MARK1: variants seen among roughly 807,000 people sequenced by gnomAD.
MARK1 encodes serine/threonine-protein kinase MARK1.
A neutral mutation model predicts 96.3 loss-of-function variants in MARK1; 40 were observed. That is an observed-to-expected ratio of 0.42 (90% CI 0.32 to 0.54). MARK1 has a LOEUF of 0.54. Among genes scored for constraint, MARK1 ranks in the 20% least tolerant of loss-of-function variants. The probability of loss-of-function intolerance (pLI) is 0.16; values close to 1 mark genes in which losing one functional copy is unlikely to be tolerated. For synonymous variants in MARK1, 317 were observed against 341.2 expected (o/e 0.93, Z 0.78); for missense variants, 719 against 984.6 (o/e 0.73, Z 3.61).
At chr1:220,555,001 A>C (rs1662149352) in intron 1 of MARK1, among the ~76,000 whole-genome samples, 1 of 152,208 alleles carries the variant, frequency 6.6e-6, no homozygotes, top group Admixed American at 6.5e-5. Context: ...CTTAATTCGC[A>C]GGCCAAGGGA....
Position 220,528,578 on chromosome 1 carries a change from G to C in MARK1, c.-245G>C, listed in dbSNP as rs1024980303. The C allele has an allele frequency of 6.4e-6, 3 of 471,030 alleles. No individual in the cohort carries two copies. Among genetic ancestry groups the C allele is most frequent in the Non-Finnish European group, 1.1e-5 (3 of 268,568 alleles). 29.2% of individuals were successfully genotyped at this position (471,030 alleles called of 1,614,324 possible). A position where few individuals can be genotyped will look rare whatever the true frequency, so the allele number is the denominator to read the frequency against. Reference sequence around the variant, plus strand: ...GCGCCGGGCAACCGCCTCGCCCGAAGCCCTCCCTCGTTACTGTCCGCATAC... The same window carrying C: ...GCGCCGGGCAACCGCCTCGCCCGAACCCCTCCCTCGTTACTGTCCGCATAC... On this transcript the variant is annotated 5_prime_UTR_variant, in exon 1 of 18. Transcript: ENST00000366917.
At position 220,566,655 on chromosome 1, in the gene MARK1, TATG is replaced by T. The variant is rs142372337; in HGVS notation, c.52-12697_52-12695del. ...TGACAGCAGTATTAACTAAACAAAT[TATG>T]AAATTGAAGAAAAAATGTCCATACA... On this transcript the variant is annotated intron_variant, in intron 1 of 17. Transcript: ENST00000366917. Among the ~76,000 whole-genome samples, 1,250 of 152,296 alleles carry T rather than the reference TATG, an allele frequency of 8.2e-3. 19 individuals carry two copies. The highest frequency in any genetic ancestry group is 0.029 in the African/African-American group (1,209 of 41,562).
chr1:220,533,552 T>A (rs1660472866), intron 1 of MARK1, among the ~76,000 whole-genome samples: 1 of 152,208 alleles, frequency 6.6e-6, no homozygotes, highest in African/African-American at 2.4e-5. Flanking sequence ...CTTTTTTAGA[T>A]CTGAAGACAT....
chr1:220,594,898 T>C (rs1475703408), intron 3 of MARK1, among the ~76,000 whole-genome samples: 1 of 152,192 alleles, frequency 6.6e-6, no homozygotes, highest in Non-Finnish European at 1.5e-5. Flanking sequence ...AACACATTTT[T>C]CAGAGCAGTG....
chr1:220,653,121 C>G lies in MARK1; in HGVS notation c.1757C>G (p.Ala586Gly), dbSNP rs1278999507. Residue 586 changes from alanine (A) to glycine (G), a missense_variant, in exon 16 of 18, where the codon GCT (alanine) becomes GGT (glycine). Ala to Gly is a moderately conservative substitution (Grantham distance 60). Around this residue, in one of 4 missense-constraint regions of MARK1, gnomAD observed 501 missense variants for 588.3 expected, o/e 0.85. Transcript: ENST00000366917. ...AGCAGTACAACCCAGAGAGTGCCTG[C>G]TGCTTCCCCATCTGCTCACAGTATT... Reference protein sequence around the residue: ...YRPGTTQRVPAASPSAHSIST... With the variant: ...YRPGTTQRVPGASPSAHSIST... The G allele has an allele frequency of 2.5e-6, 4 of 1,614,088 alleles. No homozygotes were observed. The highest frequency in any genetic ancestry group is 3.4e-6 in the Non-Finnish European group (4 of 1,180,034).
chr1:220,594,595 A>C (rs947490123), intron 3 of MARK1, among the ~76,000 whole-genome samples: 1 of 152,224 alleles, frequency 6.6e-6, no homozygotes, highest in African/African-American at 2.4e-5. Context: ...AGCTTTAGTC[A>C]TAATGGTCAT....
At chr1:220,600,390 A>G (rs920081742) in intron 5 of MARK1, among the ~76,000 whole-genome samples, 5 of 152,322 alleles carry the variant, frequency 3.3e-5, no homozygotes, top group African/African-American at 1.2e-4. Flanking sequence ...GACTGAGTTG[A>G]CAGGGAGATA....
At chr1:220,567,882 C>G (rs1379704190) in intron 1 of MARK1, among the ~76,000 whole-genome samples, 2 of 152,090 alleles carry the variant, frequency 1.3e-5, no homozygotes, top group African/African-American at 4.8e-5. Flanking sequence ...TCTTAATTAC[C>G]ACATGGCCCC....
At chr1:220,621,608 G>C (rs1282452757) in intron 9 of MARK1, among the ~76,000 whole-genome samples, 2 of 151,808 alleles carry the variant, frequency 1.3e-5, no homozygotes, top group African/African-American at 4.8e-5. Flanking sequence ...AAGGAGTCTG[G>C]TTAATAAGCC....
rs560837716 is a variant in MARK1 at position 220,610,719 on chromosome 1, C to A, written c.496-5220C>A. On this transcript the variant is annotated intron_variant, in intron 6 of 17. Transcript: ENST00000366917. ...TACCTTTGGTCTTTGATGTTGGTGA[C>A]CTACAGATGGGGGTTTTTATGTAGA... 6.6e-5 allele frequency among the ~76,000 whole-genome samples: 10 copies of A among 152,108 alleles called. No homozygotes were observed. The East Asian group carries it at 1.7e-3, about 26-fold the overall frequency.
rs751442237 is a variant in MARK1, at chr1:220,632,169, T to C, written c.1010-32T>C. The stretch of plus-strand genomic sequence containing the variant: ...GATTTGTTTACGAAAATAAAACCAT[T>C]TTCAGAAAATTTCTCTTTTTTAAAT... On this transcript the variant is annotated intron_variant, in intron 10 of 17. Transcript: ENST00000366917. 5.3e-6 allele frequency: 6 copies of C among 1,123,742 alleles called. No individual in the cohort carries two copies. The South Asian group carries it at 1.2e-4, about 23-fold the overall frequency. The allele number at this position is 1,123,742 out of a possible 1,614,324, so 69.6% of individuals were successfully genotyped here.
At chr1:220,650,997 C>T (rs920353728) in intron 14 of MARK1, among the ~76,000 whole-genome samples, 5 of 152,122 alleles carry the variant, frequency 3.3e-5, no homozygotes, top group African/African-American at 1.2e-4. Flanking sequence ...TCATACCATC[C>T]TAATTTCATC....
At chr1:220,650,588 AT>A in intron 13 of MARK1, 31 bp from the exon 14 acceptor site, 3 of 1,395,422 alleles carry the variant, frequency 2.1e-6, no homozygotes, top group South Asian at 1.2e-5. Flanking sequence ...TATATTTATA[AT>A]TTTTTAATTG....
chr1:220,628,934 T>G (rs1372670648), intron 9 of MARK1, among the ~76,000 whole-genome samples: 1 of 141,748 alleles, frequency 7.1e-6, no homozygotes, highest in Admixed American at 6.8e-5. Flanking sequence ...AAAAAAAAAA[T>G]CATGTGATGA....
chr1:220,600,044 T>G (rs1380555927), intron 5 of MARK1, among the ~76,000 whole-genome samples, 181 bp downstream of exon 5: 2 of 152,168 alleles, frequency 1.3e-5, no homozygotes, highest in Non-Finnish European at 2.9e-5. Flanking sequence ...CGATCTTACA[T>G]TATAAATGGA....
At chr1:220,626,368 C>T (rs1173271614) in intron 9 of MARK1, 4 of 550,360 alleles carry the variant, frequency 7.3e-6, no homozygotes, top group Non-Finnish European at 3.7e-6. Flanking sequence ...TAGGGATCTA[C>T]AGGATATTGG....
chr1:220,562,886 T>C (rs1390495351), intron 1 of MARK1, among the ~76,000 whole-genome samples: 1 of 152,180 alleles, frequency 6.6e-6, no homozygotes, highest in Non-Finnish European at 1.5e-5. Context: ...TTTGGAACTT[T>C]GTGGAATTTT....
intron 9 of MARK1, 41 bp from the exon 10 acceptor site, chr1:220,630,994 T>C (rs1667649909): frequency 1.5e-6 from 2 of 1,343,460 alleles, no homozygotes; most frequent in East Asian, 4.6e-5. Flanking sequence ...AGTGGCTGAA[T>C]GTTCTGATTG....
chr1:220,618,883 G>A lies in MARK1; in HGVS notation c.909+128G>A, dbSNP rs1042967399. On this transcript the variant is annotated intron_variant, in intron 9 of 17. Transcript: ENST00000366917. The surrounding 1 kb of genome is among the most constrained non-coding windows in gnomAD (Gnocchi z 4.6). The stretch of plus-strand genomic sequence containing the variant: ...TATCTAATCTGCCTTTTGTTTGTAG[G>A]TAGGGAAAATTACATGACTTTTTTT... The A allele has an allele frequency of 3.8e-6, 3 of 779,946 alleles. No homozygotes were observed. The highest frequency in any genetic ancestry group is 3.6e-5 in the African/African-American group (2 of 55,728). The allele number at this position is 779,946 out of a possible 1,614,324, so 48.3% of individuals were successfully genotyped here. A position where few individuals can be genotyped will look rare whatever the true frequency, so the allele number is the denominator to read the frequency against.
Sources: gnomAD v4.1 joint callset for allele counts (sites outside exome capture counted in the v4.1 genomes callset) on GRCh38, gnomAD v4.1.1 for gene constraint, gnomAD v4.1.1 regional missense constraint, Gnocchi (gnomAD v3.1) non-coding constraint, MANE v1.5 for transcripts, NCBI Gene and HGNC (gene_info 2026-07-23, HGNC 2026-07-21) for gene names.